The following MRPS27 variants were observed in gnomAD, a reference collection of about 807,000 sequenced individuals.
MRPS27 encodes mitochondrial ribosomal protein S27.
A neutral mutation model predicts 48.9 loss-of-function variants in MRPS27; 43 were observed. The ratio of observed to expected loss-of-function variants is 0.88; its 90% confidence interval spans 0.69 to 1.13. The LOEUF is 1.13. MRPS27 is among the 50% of genes most tolerant of loss of function. The pLI, the probability that MRPS27 is intolerant of heterozygous loss-of-function variation, is 0.00. For missense variants in MRPS27, 467 were observed against 476.3 expected (o/e 0.98, Z 0.18); for synonymous variants, 188 against 171.9 (o/e 1.09, Z -0.73).
chr5:72,305,773 AC>A (rs759704205), intron 2 of MRPS27, among the ~76,000 whole-genome samples: 5 of 151,916 alleles, frequency 3.3e-5, no homozygotes, highest in Non-Finnish European at 7.4e-5. Flanking sequence ...TCCTACCAAC[AC>A]CCTACCCAGT....
chr5:72,234,154 A>G lies in MRPS27; in HGVS notation c.440T>C (p.Leu147Pro). The G allele has an allele frequency of 6.6e-7, 1 of 1,519,314 alleles. No homozygotes were observed. The highest frequency in any genetic ancestry group is 8.8e-7 in the Non-Finnish European group (1 of 1,137,916). The allele number at this position is 1,519,314 out of a possible 1,614,324, so 94.1% of individuals were successfully genotyped here. Residue 147 changes from leucine (L) to proline (P), a missense_variant, in exon 6 of 11, where the codon CTG (leucine) becomes CCG (proline). Leu to Pro is a moderately conservative substitution (Grantham distance 98, BLOSUM62 -3). Transcript: ENST00000261413. ...IFPDNFTFNLLMDSFIKKENY... is the reference protein window; with the variant it reads ...IFPDNFTFNLPMDSFIKKENY... ...TTCTTTCTTTATGAAAGAATCCATC[A>G]GTAAATTGAATGTAAAGTTATCTGG...
At chr5:72,276,714 AG>A (rs1347312349) in intron 4 of MRPS27, among the ~76,000 whole-genome samples, 1 of 151,752 alleles carries the variant, frequency 6.6e-6, no homozygotes, top group Admixed American at 6.6e-5. Flanking sequence ...TAAATTTACC[AG>A]AAAAAAAAAA....
At position 72,304,675 on chromosome 5, in the gene MRPS27, G is replaced by T. The variant is rs76999106; in HGVS notation, c.152-6973C>A. On this transcript the variant is annotated intron_variant, in intron 2 of 10. Transcript: ENST00000261413. The stretch of plus-strand genomic sequence containing the variant: ...TTCACAGTACATAACCACAAAATCT[G>T]TAGTACAGATGTGTTGAAAAACAAG... Among the ~76,000 whole-genome samples the T allele has an allele frequency of 3.8e-3, 574 of 152,296 alleles. 1 individual carries two copies. The highest frequency in any genetic ancestry group is 0.013 in the African/African-American group (550 of 41,564).
At position 72,219,596 on chromosome 5, in the gene MRPS27, T is replaced by C. The variant is rs1183863242; in HGVS notation, c.*1313A>G. ...ACAATCTTGAATAAAATTACACCAC[T>C]GTACTTAAGGGCAACACTACATAGT... On this transcript the variant is annotated 3_prime_UTR_variant, in exon 11 of 11. Transcript: ENST00000261413. 6.6e-6 allele frequency: 1 copy of C among 152,188 alleles called. No homozygotes were observed. Among genetic ancestry groups the C allele is most frequent in the Non-Finnish European group, 1.5e-5 (1 of 68,030 alleles). The allele number at this position is 152,188 out of a possible 1,614,324, so 9.4% of individuals were successfully genotyped here. A position where few individuals can be genotyped will look rare whatever the true frequency, so the allele number is the denominator to read the frequency against.
intron 4 of MRPS27, among the ~76,000 whole-genome samples, chr5:72,281,794 C>G (rs1277591428): frequency 6.6e-6 from 1 of 152,210 alleles, no homozygotes; most frequent in African/African-American, 2.4e-5. Flanking sequence ...GCACAAAGTT[C>G]TCACTTGAAC....
At chr5:72,259,625 T>A (rs1748912436) in intron 4 of MRPS27, among the ~76,000 whole-genome samples, 1 of 152,138 alleles carries the variant, frequency 6.6e-6, no homozygotes, top group Non-Finnish European at 1.5e-5. Context: ...GAAATAAAAA[T>A]CACTTGGATT....
chr5:72,265,761 C>T (rs1262082593), intron 4 of MRPS27, among the ~76,000 whole-genome samples: 1 of 152,130 alleles, frequency 6.6e-6, no homozygotes, highest in East Asian at 1.9e-4. Flanking sequence ...ATTGCAAATC[C>T]AAGAAGCCAT....
intron 4 of MRPS27, among the ~76,000 whole-genome samples, chr5:72,273,560 C>G (rs76144952): frequency 1.3e-5 from 2 of 152,080 alleles, no homozygotes. Flanking sequence ...AAACCTGTAC[C>G]GCGTGGGACT....
intron 3 of MRPS27, among the ~76,000 whole-genome samples, chr5:72,296,558 C>A (rs1212865910): frequency 6.6e-6 from 1 of 152,104 alleles, no homozygotes; most frequent in Admixed American, 6.6e-5. Flanking sequence ...AAACTGTAAA[C>A]CTTGAAGTAC....
chr5:72,284,972 AT>A (rs936810738), intron 4 of MRPS27, among the ~76,000 whole-genome samples: 5 of 152,202 alleles, frequency 3.3e-5, no homozygotes, highest in Admixed American at 1.3e-4. Context: ...AGGAGGTTAA[AT>A]TCCTAGAGGT....
At chr5:72,241,317 C>CA (rs777800416) in intron 4 of MRPS27, 40 of 316,640 alleles carry the variant, frequency 1.3e-4, no homozygotes, top group Non-Finnish European at 2.1e-4. Flanking sequence ...TGAACTCTCA[C>CA]AAAAAATAAA....
At chr5:72,266,579 G>A (rs1039426161) in intron 4 of MRPS27, among the ~76,000 whole-genome samples, 1 of 152,242 alleles carries the variant, frequency 6.6e-6, no homozygotes, top group African/African-American at 2.4e-5. Context: ...TGAAGCCCAT[G>A]CTGGGCGTGG....
At chr5:72,228,112 T>C (rs1444165253) in intron 8 of MRPS27, 154 bp downstream of exon 8, 1 of 671,594 alleles carries the variant, frequency 1.5e-6, no homozygotes, top group Admixed American at 2.7e-5. Context: ...ATGGAGTAAC[T>C]GTAAGGCCAT....
In MRPS27 at chr5:72,249,956, C is replaced by A. The variant is rs931773598; in HGVS notation, c.282-11828G>T. On this transcript the variant is annotated intron_variant, in intron 4 of 10. Coordinates refer to ENST00000261413, the MANE Select transcript of MRPS27 (RefSeq NM_015084.3). ...CTGAGATCACGCCACTGCACTCCAG[C>A]CTGGGCGACAGAACGAGACTCCATC... is the stretch of plus-strand genomic sequence containing the variant. Among the ~76,000 whole-genome samples, 6 of 152,178 alleles carry A rather than the reference C, an allele frequency of 3.9e-5. 1 individual carries two copies. In the South Asian group the frequency reaches 1.2e-3, roughly 32 times the overall value.
intron 4 of MRPS27, among the ~76,000 whole-genome samples, chr5:72,263,678 A>G (rs1005862626): frequency 6.6e-6 from 1 of 151,960 alleles, no homozygotes; most frequent in Non-Finnish European, 1.5e-5. Flanking sequence ...AGTCATTAGG[A>G]AAATGCAAAT....
At chr5:72,276,736 A>G (rs548927002) in intron 4 of MRPS27, among the ~76,000 whole-genome samples, 8 of 152,254 alleles carry the variant, frequency 5.3e-5, no homozygotes, top group African/African-American at 1.4e-4. Context: ...AATGCCACTA[A>G]AAAGTGAGCA....
chr5:72,230,311 CCTCATT>C (rs1748020527), intron 7 of MRPS27, among the ~76,000 whole-genome samples: 1 of 152,168 alleles, frequency 6.6e-6, no homozygotes, highest in Non-Finnish European at 1.5e-5. Context: ...CAAAGCAAAT[CCTCATT>C]CTCCCAACTT....
chr5:72,256,510 G>T (rs1561341811), intron 4 of MRPS27, among the ~76,000 whole-genome samples: 1 of 152,018 alleles, frequency 6.6e-6, no homozygotes, highest in Non-Finnish European at 1.5e-5. Flanking sequence ...CAAGTTTTTT[G>T]GGCCAAGAAC....
At chr5:72,243,568 G>T (rs1313382198) in intron 4 of MRPS27, among the ~76,000 whole-genome samples, 1 of 152,138 alleles carries the variant, frequency 6.6e-6, no homozygotes, top group African/African-American at 2.4e-5. Context: ...TGGGATCTCA[G>T]ATTCTTACTC....
Sources: gnomAD v4.1 joint callset for allele counts (sites outside exome capture counted in the v4.1 genomes callset) on GRCh38, gnomAD v4.1.1 for gene constraint, MANE v1.5 for transcripts, NCBI Gene and HGNC (gene_info 2026-07-23, HGNC 2026-07-21) for gene names.